Variants in ELAVL4 observed in about 807,000 individuals in gnomAD.
ELAVL4 encodes the protein ELAV-like protein 4.
A neutral mutation model predicts 35.6 loss-of-function variants in ELAVL4; 1 was observed. The ratio of observed to expected loss-of-function variants is 0.03; its 90% CI spans 0.01 to 0.13. The LOEUF (loss-of-function observed/expected upper bound fraction) is 0.13. Ranked by LOEUF, ELAVL4 falls within the 10% of genes least tolerant of loss-of-function variation. ELAVL4 has a pLI of 1.00. For synonymous variants in ELAVL4, 156 were observed against 171.0 expected, an observed-to-expected ratio of 0.91 and a Z score of 0.69; for missense variants, 267 against 464.9, an observed-to-expected ratio of 0.57 and a Z score of 3.91.
intron 1 of ELAVL4, chr1:50,110,005 G>C (rs1666789006): frequency 1.5e-6 from 1 of 650,144 alleles, no homozygotes; most frequent in East Asian, 7.8e-5. Flanking sequence ...TCCCAGCCCT[G>C]TGTGTGTGTG....
At chr1:50,063,041 T>G (rs1451279912) in intron 1 of ELAVL4, among the ~76,000 whole-genome samples, 1 of 152,098 alleles carries the variant, frequency 6.6e-6, no homozygotes, top group African/African-American at 2.4e-5. Flanking sequence ...GATAATTGGA[T>G]TCTAAACAAA....
chr1:50,143,187 G>T (rs1237236966), intron 1 of ELAVL4, among the ~76,000 whole-genome samples: 2 of 152,140 alleles, frequency 1.3e-5, no homozygotes, highest in African/African-American at 4.8e-5. Context: ...ACCCAGTTGT[G>T]AATTGTGTTC....
intron 6 of ELAVL4, among the ~76,000 whole-genome samples, chr1:50,198,076 G>A (rs1644165262): frequency 6.6e-6 from 1 of 152,130 alleles, no homozygotes; most frequent in African/African-American, 2.4e-5. Context: ...GGTTTCTTTT[G>A]TTACAGGTTT....
intron 1 of ELAVL4, among the ~76,000 whole-genome samples, chr1:50,077,531 G>T (rs1664817796): frequency 6.6e-6 from 1 of 152,134 alleles, no homozygotes; most frequent in Non-Finnish European, 1.5e-5. Context: ...GAGGGCAAAT[G>T]ACTTTATTCA....
chr1:50,094,960 A>G (rs1665660252), intron 1 of ELAVL4, among the ~76,000 whole-genome samples: 1 of 152,048 alleles, frequency 6.6e-6, no homozygotes, highest in African/African-American at 2.4e-5. Context: ...AAAAAAAATT[A>G]TTCGGAGGAA....
chr1:50,196,005 T>G (rs1162661096), intron 5 of ELAVL4, among the ~76,000 whole-genome samples: 2 of 152,266 alleles, frequency 1.3e-5, no homozygotes. Context: ...CTACTGTGAC[T>G]GTATAAACTT....
chr1:50,076,592 G>A (rs181942760), intron 1 of ELAVL4, among the ~76,000 whole-genome samples: 3 of 152,268 alleles, frequency 2.0e-5, no homozygotes, highest in Admixed American at 2.0e-4. Context: ...ACTGTAGTGT[G>A]AGCAGGCTTG....
intron 2 of ELAVL4, among the ~76,000 whole-genome samples, chr1:50,164,056 T>C (rs1169684117): frequency 2.0e-5 from 3 of 152,080 alleles, no homozygotes; most frequent in African/African-American, 7.2e-5. Context: ...AAAACAGATA[T>C]CAAAATACCT....
At chr1:50,170,037 G>T (rs1678702252) in intron 2 of ELAVL4, among the ~76,000 whole-genome samples, 1 of 152,118 alleles carries the variant, frequency 6.6e-6, no homozygotes, top group Non-Finnish European at 1.5e-5. Context: ...GGATTTGTGT[G>T]CATGTTAAAT....
At position 50,177,200 on chromosome 1, in the gene ELAVL4, G is replaced by T; in HGVS notation, c.354+8G>T. 1 of 1,604,986 alleles carries T rather than the reference G, an allele frequency of 6.2e-7. No individual in the cohort carries two copies. Among genetic ancestry groups the T allele is most frequent in the Non-Finnish European group, 8.5e-7 (1 of 1,171,870 alleles). The stretch of plus-strand genomic sequence containing the variant: ...CAGACCAAAACCATAAAGGTAAGAG[G>T]TGATGTGCTGGCTCCTGATTCAGGA... On this transcript the variant is annotated splice_region_variant and intron_variant, in intron 3 of 6. Coordinates refer to ENST00000371824, the MANE Select transcript of ELAVL4 (RefSeq NM_001144774.3).
rs192598691 is a variant in ELAVL4 at position 50,154,236 on chromosome 1, G to A, written c.250+9039G>A. On this transcript the variant is annotated intron_variant, in intron 2 of 6. Transcript: ENST00000371824. ...GAACCCAAGTCTGATTCTGAGGTCT[G>A]CGTTCCTTCTACTTTGCTAGTAACT... Among the ~76,000 whole-genome samples the A allele has an allele frequency of 2.4e-3, 361 of 152,312 alleles. 1 individual carries two copies. The highest frequency in any genetic ancestry group is 2.7e-3 in the Non-Finnish European group (183 of 68,038).
rs946287511 is a variant in ELAVL4 at position 50,124,645 on chromosome 1, T to G, written c.9+15447T>G. 3.5e-4 allele frequency among the ~76,000 whole-genome samples: 53 copies of G among 152,188 alleles called. 1 individual carries two copies. The highest frequency in any genetic ancestry group is 1.2e-3 in the African/African-American group (50 of 41,564). Reference sequence around the variant, plus strand: ...GTTATTAATAGGGATATTTTTGAGATAGGGTCTCACTCTGTCACCCAGACT... The same window carrying G: ...GTTATTAATAGGGATATTTTTGAGAGAGGGTCTCACTCTGTCACCCAGACT... On this transcript the variant is annotated intron_variant, in intron 1 of 6. Transcript: ENST00000371824.
At chr1:50,093,648 A>G (rs538436727) in intron 1 of ELAVL4, among the ~76,000 whole-genome samples, 1 of 152,340 alleles carries the variant, frequency 6.6e-6, no homozygotes, top group South Asian at 2.1e-4. Flanking sequence ...CAGTCAAGAA[A>G]AGTGGTTGAT....
intron 2 of ELAVL4, 58 bp downstream of exon 2, chr1:50,145,255 T>A: frequency 6.2e-7 from 1 of 1,603,844 alleles, no homozygotes; most frequent in Non-Finnish European, 8.5e-7. Flanking sequence ...TTAGCAGAAA[T>A]GCACATGTGT....
At chr1:50,172,488 TAAC>T (rs2148811377) in intron 2 of ELAVL4, among the ~76,000 whole-genome samples, 1 of 152,230 alleles carries the variant, frequency 6.6e-6, no homozygotes, top group South Asian at 2.1e-4. Flanking sequence ...GATCGGAAGA[TAAC>T]AATCTACAGC....
intron 1 of ELAVL4, among the ~76,000 whole-genome samples, chr1:50,053,032 TAC>T (rs1663469534): frequency 1.3e-5 from 2 of 152,338 alleles, no homozygotes; most frequent in Non-Finnish European, 2.9e-5. Flanking sequence ...TAACAGAGTT[TAC>T]AGTTATTCAC....
At chr1:50,066,312 T>C (rs1272765439) in intron 1 of ELAVL4, among the ~76,000 whole-genome samples, 1 of 152,188 alleles carries the variant, frequency 6.6e-6, no homozygotes, top group Non-Finnish European at 1.5e-5. Context: ...GGCACATACT[T>C]CTTTTGAAAC....
intron 3 of ELAVL4, among the ~76,000 whole-genome samples, chr1:50,183,301 G>A (rs1328452748): frequency 2.6e-5 from 4 of 152,154 alleles, no homozygotes; most frequent in Non-Finnish European, 4.4e-5. Context: ...TATTGTGAGT[G>A]ATTGCAGCAC....
chr1:50,139,616 G>A (rs556005226), intron 1 of ELAVL4, among the ~76,000 whole-genome samples: 7 of 152,266 alleles, frequency 4.6e-5, no homozygotes, highest in East Asian at 1.9e-4. Context: ...TTAAATGTGC[G>A]TATGACCTGA....
Sources: allele counts gnomAD v4.1 joint callset (sites outside exome capture counted in the v4.1 genomes callset), GRCh38; gene constraint gnomAD v4.1.1; transcripts MANE v1.5; gene names NCBI Gene and HGNC (gene_info 2026-07-23, HGNC 2026-07-21).